DNM1L: variants seen among roughly 807,000 people sequenced by gnomAD.
DNM1L encodes dynamin 1L.
A neutral mutation model predicts 92.8 loss-of-function variants in DNM1L; 33 were observed. That is an observed-to-expected ratio of 0.36 (90% confidence interval 0.27 to 0.48). The LOEUF is 0.48. Ranked by LOEUF, DNM1L falls within the 20% of genes least tolerant of loss-of-function variation. The pLI is 0.99. For synonymous variants in DNM1L, 284 were observed against 305.0 expected (o/e 0.93, Z 0.72); for missense variants, 485 against 888.8 (o/e 0.55, Z 5.78).
intron 6 of DNM1L, among the ~76,000 whole-genome samples, chr12:32,715,227 G>C (rs1953310529): frequency 6.6e-6 from 1 of 151,066 alleles, no homozygotes; most frequent in South Asian, 2.1e-4. Context: ...CCAAAGTGTT[G>C]GGATTGCAAG....
In DNM1L at chr12:32,696,876, C is replaced by A. The variant is rs28552417; in HGVS notation, c.103-4539C>A. On this transcript the variant is annotated intron_variant, in intron 1 of 19. Transcript: ENST00000549701. ...CCGACCTCAAGTGATCTGCCCACCT[C>A]GGCCTCCCAAAGTGCTGGGATTACA... Among the ~76,000 whole-genome samples, 614 of 150,138 alleles carry A rather than the reference C, an allele frequency of 4.1e-3. 6 individuals carry two copies. The highest frequency in any genetic ancestry group is 0.014 in the African/African-American group (582 of 40,932).
chr12:32,720,562 T>C, intron 7 of DNM1L, 102 bp from the exon 8 acceptor site: 3 of 1,498,770 alleles, frequency 2.0e-6, no homozygotes, highest in East Asian at 4.6e-5. Flanking sequence ...AATAAAACAG[T>C]CCCTGTCAGG....
chr12:32,687,500 T>C (rs1382523970), intron 1 of DNM1L, among the ~76,000 whole-genome samples: 1 of 152,164 alleles, frequency 6.6e-6, no homozygotes, highest in African/African-American at 2.4e-5. Context: ...TGGAGTGCAA[T>C]GATGCAGTCT....
At chr12:32,711,079 A>AAT (rs1286585277) in intron 5 of DNM1L, 64 bp downstream of exon 5, 1 of 1,348,692 alleles carries the variant, frequency 7.4e-7, no homozygotes, top group Non-Finnish European at 1.1e-6. Flanking sequence ...CCCATATGAG[A>AAT]ATAATCAGCT....
chr12:32,736,057 T>A (rs1954850520), intron 13 of DNM1L, among the ~76,000 whole-genome samples: 1 of 149,334 alleles, frequency 6.7e-6, no homozygotes, highest in South Asian at 2.1e-4. Flanking sequence ...GATTTCTATA[T>A]CTTCATAATC....
chr12:32,683,970 G>C (rs1951900004), intron 1 of DNM1L, among the ~76,000 whole-genome samples: 1 of 152,104 alleles, frequency 6.6e-6, no homozygotes. Context: ...CACCATGCCC[G>C]GCCAGTAATT....
At chr12:32,729,550 A>G (rs1592657237) in intron 9 of DNM1L, among the ~76,000 whole-genome samples, 1 of 152,120 alleles carries the variant, frequency 6.6e-6, no homozygotes, top group Non-Finnish European at 1.5e-5. Context: ...CCCAGGTTCA[A>G]GCAATCATCC....
Position 32,729,474 on chromosome 12 carries a change from G to A in DNM1L, c.1080-1540G>A, listed in dbSNP as rs1408393574. Among the ~76,000 whole-genome samples the A allele has an allele frequency of 3.3e-5, 5 of 152,022 alleles. No individual in the cohort carries two copies. In the East Asian group the frequency reaches 9.6e-4, roughly 29 times the overall value. The stretch of plus-strand genomic sequence containing the variant: ...AATTAATTAATTACTTTATTACTTT[G>A]AGACAGAGCCTCACTTTATTGCCGA... On this transcript the variant is annotated intron_variant, in intron 9 of 19. Coordinates refer to ENST00000549701, the MANE Select transcript of DNM1L (RefSeq NM_012062.5).
intron 6 of DNM1L, among the ~76,000 whole-genome samples, chr12:32,716,423 C>T (rs1953369435): frequency 1.3e-5 from 2 of 152,112 alleles, no homozygotes; most frequent in Non-Finnish European, 2.9e-5. Context: ...CAGCCTTGAC[C>T]TGGGCTCAGG....
intron 1 of DNM1L, among the ~76,000 whole-genome samples, chr12:32,692,226 C>A (rs1210558315): frequency 1.3e-5 from 2 of 152,122 alleles, no homozygotes; most frequent in Non-Finnish European, 2.9e-5. Context: ...TAATTAAAAT[C>A]TAAGCAGAGA....
At position 32,720,726 on chromosome 12, in the gene DNM1L, T is replaced by C; in HGVS notation, c.803T>C (p.Phe268Ser). Residue 268 changes from phenylalanine to serine, a missense_variant, in exon 8 of 20, where the codon TTT becomes TCT. This residue lies in a region of DNM1L where 159 missense variants were observed against 275.9 expected (regional missense o/e 0.58). Coordinates refer to ENST00000549701, the MANE Select transcript of DNM1L (RefSeq NM_012062.5). The part of the protein sequence containing the change: ...VTDSIRDEYA[F>S]LQKKYPSLAN... Reference sequence around the variant, plus strand: ...GATTCAATCCGTGATGAGTATGCTTTTCTTCAAAAGAAATATCCATCTCTG... The same window carrying C: ...GATTCAATCCGTGATGAGTATGCTTCTCTTCAAAAGAAATATCCATCTCTG... 1 of 1,613,942 alleles carries C rather than the reference T, an allele frequency of 6.2e-7. No individual in the cohort carries two copies. Among genetic ancestry groups the C allele is most frequent in the Non-Finnish European group, 8.5e-7 (1 of 1,179,910 alleles).
intron 4 of DNM1L, 47 bp from the exon 5 acceptor site, chr12:32,710,882 C>T (rs1316735764): frequency 3.0e-5 from 42 of 1,389,456 alleles, no homozygotes; most frequent in Non-Finnish European, 4.0e-5. Context: ...AAGTTTATTA[C>T]TTCATAGTTC....
At chr12:32,729,260 T>G (rs532801090) in intron 9 of DNM1L, among the ~76,000 whole-genome samples, 97 of 151,784 alleles carry the variant, frequency 6.4e-4, no homozygotes, top group Non-Finnish European at 1.1e-3. Context: ...TTTTTGTATT[T>G]TTAGTAGAGA....
intron 1 of DNM1L, among the ~76,000 whole-genome samples, chr12:32,700,793 C>T (rs914174481): frequency 1.3e-5 from 2 of 151,900 alleles, no homozygotes; most frequent in East Asian, 1.9e-4. Flanking sequence ...GCATTACTGT[C>T]CCATTTACAG....
intron 1 of DNM1L, among the ~76,000 whole-genome samples, chr12:32,691,150 T>C (rs1398623392): frequency 1.3e-5 from 2 of 152,210 alleles, no homozygotes; most frequent in Admixed American, 1.3e-4. Context: ...CGTAGATGGC[T>C]GCCTTCTTGC....
chr12:32,726,843 G>T, intron 9 of DNM1L: 1 of 632,124 alleles, frequency 1.6e-6, no homozygotes, highest in Non-Finnish European at 2.9e-6. Context: ...ATCTGGTTCT[G>T]GTTCTAACCT....
At chr12:32,724,953 C>G (rs1402045174) in intron 9 of DNM1L, among the ~76,000 whole-genome samples, 1 of 151,906 alleles carries the variant, frequency 6.6e-6, no homozygotes, top group East Asian at 1.9e-4. Flanking sequence ...AAGTGACATA[C>G]TCATACTTCA....
intron 2 of DNM1L, chr12:32,707,078 A>G (rs140508140): frequency 6.0e-4 from 182 of 301,290 alleles, no homozygotes; most frequent in African/African-American, 3.6e-3. Flanking sequence ...GAAATAAACA[A>G]TTTTATTTGC....
intron 18 of DNM1L, among the ~76,000 whole-genome samples, chr12:32,741,795 C>T (rs10844335): frequency 0.15 from 23,399 of 152,158 alleles, 1,908 homozygotes; most frequent in Middle Eastern, 0.21. Flanking sequence ...TACATGTTTG[C>T]AGCCTGGAGC....
Sources: allele counts gnomAD v4.1 joint callset (sites outside exome capture counted in the v4.1 genomes callset), GRCh38; gene constraint gnomAD v4.1.1; regional missense constraint gnomAD v4.1.1; transcripts MANE v1.5; gene names NCBI Gene and HGNC (gene_info 2026-07-23, HGNC 2026-07-21).